The following PXDNL variants were observed in gnomAD, a reference collection of about 807,000 sequenced individuals.
The protein encoded by PXDNL is probable oxidoreductase PXDNL.
PXDNL carries 145 observed loss-of-function variants against 150.8 expected under a neutral mutation model. That is an observed-to-expected ratio of 0.96 (90% confidence interval 0.84 to 1.10). The LOEUF (loss-of-function observed/expected upper bound fraction) is 1.10. Among genes scored for constraint, PXDNL ranks in the 50% least tolerant of loss-of-function variants. The pLI is 0.00. For synonymous variants in PXDNL, 757 were observed against 725.7 expected (o/e 1.04, Z -0.69); for missense variants, 2,087 against 1,873.9 (o/e 1.11, Z -2.10).
rs1400775577 is a variant in PXDNL at position 51,499,708 on chromosome 8, A to G, written c.443T>C (p.Leu148Ser). 1.2e-6 allele frequency: 2 copies of G among 1,611,702 alleles called. No individual in the cohort carries two copies. The highest frequency in any genetic ancestry group is 2.7e-5 in the African/African-American group (2 of 74,870). Residue 148 changes from leucine (L) to serine (S), a missense_variant, in exon 5 of 23, where the codon TTA (leucine) becomes TCA (serine). Leu to Ser is a moderately radical substitution (Grantham distance 145). Coordinates refer to ENST00000356297, the MANE Select transcript of PXDNL (RefSeq NM_144651.5). Reference protein sequence around the residue: ...QPETFGDLLRLERLFLHNNKL... With the variant: ...QPETFGDLLRSERLFLHNNKL... ...AAGGGTCAACACTTACAGTCGCTCT[A>G]ATCTCAGAAGGTCTCCAAAGGTCTC...
chr8:51,577,984 A>G lies in PXDNL; in HGVS notation c.308+14643T>C, dbSNP rs1813106391. Among the ~76,000 whole-genome samples the G allele has an allele frequency of 9.0e-5, 8 of 88,810 alleles. No individual in the cohort carries two copies. The South Asian group carries it at 1.2e-3, about 13-fold the overall frequency. 58.3% of individuals were successfully genotyped at this position (88,810 alleles called of 152,430 possible). A position where few individuals can be genotyped will look rare whatever the true frequency, so the allele number is the denominator to read the frequency against. On this transcript the variant is annotated intron_variant, in intron 3 of 22. Transcript: ENST00000356297. ...GAAAGAAAGAAAGAAAGAAAGAAAG[A>G]AAGAAAGAAAGAAAGAGGAAGGAAG...
chr8:51,447,505 T>A (rs1809703088), intron 11 of PXDNL, among the ~76,000 whole-genome samples: 1 of 152,214 alleles, frequency 6.6e-6, no homozygotes. Flanking sequence ...TTTTCAGATA[T>A]CTTCGTGACA....
Position 51,434,346 on chromosome 8 carries a change from C to A in PXDNL, c.1526-7588G>T, listed in dbSNP as rs189263700. On this transcript the variant is annotated intron_variant, in intron 12 of 22. Coordinates refer to ENST00000356297, the MANE Select transcript of PXDNL (RefSeq NM_144651.5). Reference sequence around the variant, plus strand: ...AATGTCATGTCCTTCTAGAGGTATCCCCTGACCTCTCTTTTTAAATGACAT... The same window carrying A: ...AATGTCATGTCCTTCTAGAGGTATCACCTGACCTCTCTTTTTAAATGACAT... 1.5e-3 allele frequency among the ~76,000 whole-genome samples: 234 copies of A among 152,260 alleles called. 4 individuals carry two copies. Among genetic ancestry groups the A allele is most frequent in the Admixed American group, 0.015 (232 of 15,280 alleles).
At chr8:51,747,622 G>T (rs1460467281) in intron 1 of PXDNL, among the ~76,000 whole-genome samples, 1 of 152,178 alleles carries the variant, frequency 6.6e-6, no homozygotes, top group Admixed American at 6.5e-5. Flanking sequence ...ATTGAACCAG[G>T]AAATAAGGGG....
At chr8:51,357,548 T>G (rs1330036888) in intron 19 of PXDNL, among the ~76,000 whole-genome samples, 3 of 152,226 alleles carry the variant, frequency 2.0e-5, no homozygotes, top group African/African-American at 7.2e-5. Context: ...TTCATACATA[T>G]TTAGATGCAA....
chr8:51,588,039 T>A (rs1294832535), intron 3 of PXDNL, among the ~76,000 whole-genome samples: 3 of 152,134 alleles, frequency 2.0e-5, no homozygotes, highest in Non-Finnish European at 4.4e-5. Flanking sequence ...GAAGTACTGG[T>A]TGGCTTAAGG....
intron 14 of PXDNL, among the ~76,000 whole-genome samples, chr8:51,417,589 A>G (rs1453810044): frequency 2.6e-5 from 4 of 152,320 alleles, no homozygotes; most frequent in East Asian, 3.9e-4. Context: ...ACAATTACCA[A>G]TTGGGTTTTG....
At chr8:51,441,390 T>C (rs575799327) in intron 12 of PXDNL, among the ~76,000 whole-genome samples, 4 of 152,278 alleles carry the variant, frequency 2.6e-5, no homozygotes, top group South Asian at 2.1e-4. Context: ...TCCCTTCAAA[T>C]TGAAAGTGTC....
At chr8:51,670,176 T>G (rs1815471049) in intron 1 of PXDNL, among the ~76,000 whole-genome samples, 1 of 152,098 alleles carries the variant, frequency 6.6e-6, no homozygotes, top group African/African-American at 2.4e-5. Flanking sequence ...AGGCAGAGGT[T>G]GCAGTGAGCC....
At chr8:51,751,564 T>C (rs959643678) in intron 1 of PXDNL, among the ~76,000 whole-genome samples, 6 of 152,158 alleles carry the variant, frequency 3.9e-5, no homozygotes, top group Non-Finnish European at 7.3e-5. Context: ...CAAGTCACCA[T>C]AGATTCGAAA....
chr8:51,605,587 T>G (rs1813821923), intron 2 of PXDNL, among the ~76,000 whole-genome samples: 1 of 152,178 alleles, frequency 6.6e-6, no homozygotes, highest in African/African-American at 2.4e-5. Context: ...AAGATGAGGC[T>G]CTTAAATGTA....
At chr8:51,356,693 A>G (rs544084143) in intron 19 of PXDNL, among the ~76,000 whole-genome samples, 2 of 152,246 alleles carry the variant, frequency 1.3e-5, no homozygotes, top group East Asian at 3.9e-4. Context: ...TCATTCATTT[A>G]TCAATCTTGG....
intron 1 of PXDNL, chr8:51,721,791 GGA>G: frequency 2.8e-6 from 1 of 356,260 alleles, no homozygotes; most frequent in South Asian, 2.7e-5. Flanking sequence ...ATAGTTTGGT[GGA>G]GCTCCAGCCA....
intron 21 of PXDNL, among the ~76,000 whole-genome samples, chr8:51,321,646 T>C (rs1447506383): frequency 6.6e-6 from 1 of 152,128 alleles, no homozygotes; most frequent in Non-Finnish European, 1.5e-5. Context: ...CCTGCTGCCA[T>C]GTGAAGAAGG....
intron 2 of PXDNL, among the ~76,000 whole-genome samples, chr8:51,616,655 A>G (rs140053589): frequency 3.3e-5 from 5 of 152,366 alleles, no homozygotes; most frequent in East Asian, 3.9e-4. Context: ...GTACTCCTGT[A>G]TACTTTAAAT....
At chr8:51,376,211 T>A (rs1440558753) in intron 17 of PXDNL, among the ~76,000 whole-genome samples, 1 of 152,202 alleles carries the variant, frequency 6.6e-6, no homozygotes, top group Non-Finnish European at 1.5e-5. Context: ...AATTCATACA[T>A]CCACAAGAAG....
At position 51,420,474 on chromosome 8, in the gene PXDNL, C is replaced by T. The variant is rs1161036462; in HGVS notation, c.1795+3101G>A. ...TTACTTTATTAAAAAATATTTCTAA[C>T]ATTATGAAATTTATTTGGTATAAAT... On this transcript the variant is annotated intron_variant, in intron 14 of 22. Transcript: ENST00000356297. Among the ~76,000 whole-genome samples, 4 of 152,170 alleles carry T rather than the reference C, an allele frequency of 2.6e-5. No homozygotes were observed. In the East Asian group the frequency reaches 7.7e-4, roughly 29 times the overall value.
intron 19 of PXDNL, among the ~76,000 whole-genome samples, chr8:51,347,163 A>C (rs1007801367): frequency 5.3e-5 from 8 of 152,172 alleles, no homozygotes; most frequent in Non-Finnish European, 1.2e-4. Context: ...GGCAGCATAA[A>C]TTGGAAAATA....
At chr8:51,639,060 C>T (rs998795324) in intron 2 of PXDNL, among the ~76,000 whole-genome samples, 2 of 152,204 alleles carry the variant, frequency 1.3e-5, no homozygotes, top group Admixed American at 1.3e-4. Flanking sequence ...CTCAAAACCG[C>T]TCAACTACAT....
Sources: allele counts gnomAD v4.1 joint callset (sites outside exome capture counted in the v4.1 genomes callset), GRCh38; gene constraint gnomAD v4.1.1; transcripts MANE v1.5; gene names NCBI Gene and HGNC (gene_info 2026-07-23, HGNC 2026-07-21).